SYT14: variants seen among roughly 807,000 people sequenced by gnomAD.
The protein encoded by SYT14 is synaptotagmin 14.
A neutral mutation model predicts 74.2 loss-of-function variants in SYT14; 32 were observed. The ratio of observed to expected loss-of-function variants is 0.43; its 90% CI spans 0.33 to 0.58. The LOEUF (loss-of-function observed/expected upper bound fraction) is 0.58, where lower values mean the gene tolerates loss of function less well. Ranked by LOEUF, SYT14 falls within the 20% of genes least tolerant of loss-of-function variation. The probability of loss-of-function intolerance (pLI) is 0.05; values close to 1 mark genes in which losing one functional copy is unlikely to be tolerated. For missense variants in SYT14, 791 were observed against 981.8 expected (o/e 0.81, Z 2.60); for synonymous variants, 298 against 337.7 (o/e 0.88, Z 1.29).
intron 1 of SYT14, among the ~76,000 whole-genome samples, chr1:209,939,932 T>C (rs1054248951): frequency 1.3e-5 from 2 of 152,252 alleles, no homozygotes; most frequent in Admixed American, 1.3e-4. Flanking sequence ...CCATGTCACC[T>C]GATGGCATTT....
intron 7 of SYT14, among the ~76,000 whole-genome samples, chr1:210,107,346 T>A (rs1340229820): frequency 6.6e-6 from 1 of 152,216 alleles, no homozygotes; most frequent in African/African-American, 2.4e-5. Flanking sequence ...TCAACTACAA[T>A]TCAAGGTGAA....
intron 2 of SYT14, among the ~76,000 whole-genome samples, chr1:209,976,418 G>A (rs2079366113): frequency 6.6e-6 from 1 of 151,570 alleles, no homozygotes; most frequent in Non-Finnish European, 1.5e-5. Context: ...TGTTCTCGTT[G>A]GTTTCAAAGA....
In SYT14 at chr1:209,951,072, A is replaced by C. The variant is rs187087370; in HGVS notation, c.-533-1637A>C. 4.2e-3 allele frequency among the ~76,000 whole-genome samples: 646 copies of C among 152,338 alleles called. 5 individuals carry two copies. The highest frequency in any genetic ancestry group is 0.015 in the African/African-American group (624 of 41,594). On this transcript the variant is annotated intron_variant, in intron 1 of 9. Coordinates refer to ENST00000637265, the Ensembl canonical transcript of SYT14. The stretch of plus-strand genomic sequence containing the variant: ...TGTTTTGATATATGGATACATTGTG[A>C]AATGATTAAATCAAGCCAATTAACA...
chr1:209,968,283 A>AG (rs909853809), intron 2 of SYT14, among the ~76,000 whole-genome samples: 4 of 152,250 alleles, frequency 2.6e-5, no homozygotes, highest in African/African-American at 9.6e-5. Flanking sequence ...GTTTTACATT[A>AG]GGGGTCACTC....
chr1:210,133,292 A>T (rs1402953254), intron 7 of SYT14, among the ~76,000 whole-genome samples: 1 of 152,202 alleles, frequency 6.6e-6, no homozygotes, highest in Non-Finnish European at 1.5e-5. Flanking sequence ...ACTGGGATAT[A>T]GGTTCTTCAA....
intron 7 of SYT14, among the ~76,000 whole-genome samples, chr1:210,135,687 T>G (rs1039356925): frequency 1.3e-5 from 2 of 152,322 alleles, no homozygotes; most frequent in Non-Finnish European, 2.9e-5. Flanking sequence ...CATTGTTGGG[T>G]GCTAAATTAT....
chr1:210,006,764 A>G (rs2079995204), intron 2 of SYT14, among the ~76,000 whole-genome samples: 1 of 151,918 alleles, frequency 6.6e-6, no homozygotes, highest in Non-Finnish European at 1.5e-5. Flanking sequence ...TACAAAATTT[A>G]TTTTAGAAAT....
chr1:210,160,636 A>G, intron 9 of SYT14, 93 bp from the exon 9 acceptor site: 1 of 1,094,342 alleles, frequency 9.1e-7, no homozygotes, highest in Non-Finnish European at 1.3e-6. Flanking sequence ...ATATCCTTAT[A>G]AAGTATAAAT....
Position 210,027,376 on chromosome 1 carries a change from C to G in SYT14, c.1312+6122C>G, listed in dbSNP as rs565259987. Among the ~76,000 whole-genome samples, 4 of 150,356 alleles carry G rather than the reference C, an allele frequency of 2.7e-5. No homozygotes were observed. In the South Asian group the frequency reaches 8.4e-4, roughly 32 times the overall value. The stretch of plus-strand genomic sequence containing the variant: ...GTTGCAGTGAACTGTGATCATGCAA[C>G]TACACTCCAGCATAGGCAACAGAGT... On this transcript the variant is annotated intron_variant, in intron 5 of 9. Transcript: ENST00000637265.
chr1:210,140,469 C>T (rs1418469735), intron 7 of SYT14, among the ~76,000 whole-genome samples: 2 of 151,998 alleles, frequency 1.3e-5, no homozygotes, highest in Non-Finnish European at 2.9e-5. Context: ...TTTCTTTTTA[C>T]TTGATGATGT....
chr1:210,110,661 C>T (rs1390726622), intron 7 of SYT14, among the ~76,000 whole-genome samples: 1 of 152,234 alleles, frequency 6.6e-6, no homozygotes, highest in African/African-American at 2.4e-5. Flanking sequence ...ACTAAAATGT[C>T]AATCTCAGTC....
exon 4 of SYT14, chr1:210,016,557 G>A (rs1014562039): frequency 4.1e-6 from 5 of 1,231,942 alleles, no homozygotes; most frequent in Middle Eastern, 3.1e-4. Flanking sequence ...TCCAATAATG[G>A]TAAGAATGAT....
At chr1:210,075,631 C>A (rs1485784153) in intron 5 of SYT14, among the ~76,000 whole-genome samples, 2 of 152,146 alleles carry the variant, frequency 1.3e-5, no homozygotes, top group Non-Finnish European at 2.9e-5. Flanking sequence ...CCGTGCCTGG[C>A]CGGTCTTGAG....
chr1:209,952,276 G>T (rs180930521), intron 1 of SYT14, among the ~76,000 whole-genome samples: 175 of 152,170 alleles, frequency 1.2e-3, no homozygotes, highest in Non-Finnish European at 1.9e-3. Flanking sequence ...GGTTGTTGGA[G>T]AATATATAAT....
intron 1 of SYT14, among the ~76,000 whole-genome samples, chr1:209,945,810 G>A (rs1025841869): frequency 2.0e-5 from 3 of 152,144 alleles, no homozygotes; most frequent in Middle Eastern, 3.2e-3. Flanking sequence ...CCATTTTTGT[G>A]TACAGGCATA....
chr1:210,164,803 T>TC (rs1437121750), exon 10 of SYT14: 1 of 152,272 alleles, frequency 6.6e-6, no homozygotes, highest in African/African-American at 2.4e-5. Flanking sequence ...TTATTTCACA[T>TC]TGATAGTTTT....
At chr1:209,940,707 TTC>T (rs1336568405) in intron 1 of SYT14, among the ~76,000 whole-genome samples, 2 of 152,184 alleles carry the variant, frequency 1.3e-5, no homozygotes, top group African/African-American at 4.8e-5. Flanking sequence ...AAGCCCACTA[TTC>T]TCTCTATATA....
chr1:210,009,266 GTATTTGAAATAA>G (rs1425612162), intron 2 of SYT14, among the ~76,000 whole-genome samples: 1 of 152,100 alleles, frequency 6.6e-6, no homozygotes, highest in Non-Finnish European at 1.5e-5. Flanking sequence ...GTATCATAAT[GTATTTGAAATAA>G]TAAATATTAG....
rs557255380 is a variant in SYT14, at chr1:210,012,764, C to T, written c.-485-869C>T. Among the ~76,000 whole-genome samples, 26 of 150,958 alleles carry T rather than the reference C, an allele frequency of 1.7e-4. No homozygotes were observed. The East Asian group carries it at 3.9e-3, about 23-fold the overall frequency. On this transcript the variant is annotated intron_variant, in intron 2 of 9. Coordinates refer to ENST00000637265, the Ensembl canonical transcript of SYT14. ...TCACCCAGGCTGGAGTGCAGTGGCG[C>T]GATCTCGGCTCACTGCAACCTCTGC...
Sources: gnomAD v4.1 joint callset for allele counts (sites outside exome capture counted in the v4.1 genomes callset) on GRCh38, gnomAD v4.1.1 for gene constraint, MANE v1.5 for transcripts, NCBI Gene and HGNC (gene_info 2026-07-23, HGNC 2026-07-21) for gene names.